Variants in OSBPL8 observed in about 807,000 individuals in gnomAD.
OSBPL8 encodes oxysterol binding protein like 8, also known as oxysterol-binding protein-related protein 8.
A neutral mutation model predicts 125.5 loss-of-function variants in OSBPL8; 59 were observed. The ratio of observed to expected loss-of-function variants is 0.47; its 90% confidence interval spans 0.38 to 0.58. The LOEUF is 0.58. Among genes scored for constraint, OSBPL8 ranks in the 20% least tolerant of loss-of-function variants. The pLI is 0.00. For synonymous variants in OSBPL8, 330 were observed against 338.9 expected, an observed-to-expected ratio of 0.97 and a Z score of 0.29; for missense variants, 758 against 1,047.8, an observed-to-expected ratio of 0.72 and a Z score of 3.82.
intron 3 of OSBPL8, among the ~76,000 whole-genome samples, chr12:76,453,490 A>G (rs1158324251): frequency 6.6e-6 from 1 of 152,170 alleles, no homozygotes; most frequent in Non-Finnish European, 1.5e-5. Flanking sequence ...AGAATAAATT[A>G]CTCAGTTAAC....
chr12:76,408,991 CT>C (rs140050109), intron 5 of OSBPL8, among the ~76,000 whole-genome samples: 6,006 of 151,732 alleles, frequency 0.04, 359 homozygotes, highest in African/African-American at 0.13. Context: ...GAAAATAGAT[CT>C]TTTTTTTAAA....
intron 12 of OSBPL8, 56 bp downstream of exon 12, chr12:76,389,589 G>A (rs552023848): frequency 7.6e-7 from 1 of 1,308,852 alleles, no homozygotes; most frequent in African/African-American, 1.5e-5. Flanking sequence ...TAGCATTCTT[G>A]AGAATTTCTA....
In OSBPL8 at chr12:76,487,197, T is replaced by C. The variant is rs1878240262; in HGVS notation, c.42+313A>G. The stretch of plus-strand genomic sequence containing the variant: ...GGCATGTGCCACCACACCTGGCTAA[T>C]TTTTGTATTTTTAATAGAGACAGGG... On this transcript the variant is annotated intron_variant, in intron 2 of 23. Coordinates refer to ENST00000261183, the MANE Select transcript of OSBPL8 (RefSeq NM_020841.5). Among the ~76,000 whole-genome samples, 3 of 151,722 alleles carry C rather than the reference T, an allele frequency of 2.0e-5. No homozygotes were observed. The South Asian group carries it at 6.2e-4, about 32-fold the overall frequency.
intron 1 of OSBPL8, among the ~76,000 whole-genome samples, chr12:76,542,475 A>T (rs1170568365): frequency 1.3e-5 from 2 of 152,220 alleles, no homozygotes; most frequent in East Asian, 3.9e-4. Flanking sequence ...ATGCATCACA[A>T]TCATCTGGAG....
Position 76,392,592 on chromosome 12 carries a change from A to ACAG in OSBPL8, c.917_918insCTG (p.Gly306_Asp307insCys). 6.2e-7 allele frequency: 1 copy of ACAG among 1,606,116 alleles called. No homozygotes were observed. Among genetic ancestry groups the ACAG allele is most frequent in the Non-Finnish European group, 8.5e-7 (1 of 1,174,122 alleles). On this transcript the variant is annotated inframe_insertion, in exon 10 of 24. Coordinates refer to ENST00000261183, the MANE Select transcript of OSBPL8 (RefSeq NM_020841.5). The stretch of plus-strand genomic sequence containing the variant: ...CAGTATCTACTTACTGGAAGTTATC[A>ACAG]CCACTGTGGAGATTGTTAGCACGTA...
intron 3 of OSBPL8, among the ~76,000 whole-genome samples, chr12:76,459,421 C>T (rs1409818698): frequency 6.6e-6 from 1 of 152,094 alleles, no homozygotes; most frequent in East Asian, 1.9e-4. Flanking sequence ...AAACATGTTT[C>T]ACTTATAAAA....
intron 1 of OSBPL8, among the ~76,000 whole-genome samples, chr12:76,496,673 T>G (rs1879308815): frequency 1.3e-5 from 2 of 152,132 alleles, no homozygotes; most frequent in Non-Finnish European, 2.9e-5. Context: ...CCCAAGTAGC[T>G]GGGATTACAG....
chr12:76,442,283 C>A (rs1282706734), intron 4 of OSBPL8, among the ~76,000 whole-genome samples: 1 of 152,090 alleles, frequency 6.6e-6, no homozygotes, highest in Admixed American at 6.5e-5. Flanking sequence ...AATATAGGGA[C>A]AGTTGAACAA....
rs551833496 is a variant in OSBPL8 at position 76,370,915 on chromosome 12, T to C, written c.2054+533A>G. Among the ~76,000 whole-genome samples the C allele has an allele frequency of 4.2e-4, 64 of 152,304 alleles. 2 individuals carry two copies. The South Asian group carries it at 0.013, about 32-fold the overall frequency. ...ACAACAATAAAATAGGGAATGTGTA[T>C]ACAATATTTCTGATTCAAAAATATA... On this transcript the variant is annotated intron_variant, in intron 19 of 23. Coordinates refer to ENST00000261183, the MANE Select transcript of OSBPL8 (RefSeq NM_020841.5).
intron 1 of OSBPL8, among the ~76,000 whole-genome samples, chr12:76,506,703 C>T (rs1274131724): frequency 6.6e-6 from 1 of 152,124 alleles, no homozygotes; most frequent in African/African-American, 2.4e-5. Context: ...AAATTCCACA[C>T]CTTTGATAAC....
intron 4 of OSBPL8, among the ~76,000 whole-genome samples, chr12:76,449,491 GT>G (rs1873119966): frequency 1.3e-5 from 2 of 152,162 alleles, no homozygotes; most frequent in Non-Finnish European, 2.9e-5. Flanking sequence ...GCAATCTTGG[GT>G]AAAACTGCTG....
At chr12:76,543,744 A>G (rs1263881216) in intron 1 of OSBPL8, among the ~76,000 whole-genome samples, 1 of 152,234 alleles carries the variant, frequency 6.6e-6, no homozygotes. Flanking sequence ...AACTATTAAT[A>G]CAACTAATAA....
At chr12:76,359,151 C>T (rs2136131004) in intron 21 of OSBPL8, among the ~76,000 whole-genome samples, 1 of 152,308 alleles carries the variant, frequency 6.6e-6, no homozygotes, top group Non-Finnish European at 1.5e-5. Context: ...CCCCCTACCT[C>T]TGACTGCACC....
At chr12:76,501,366 AAAG>A (rs144619275) in intron 1 of OSBPL8, among the ~76,000 whole-genome samples, 24,309 of 152,144 alleles carry the variant, frequency 0.16, 2,244 homozygotes, top group Middle Eastern at 0.24. Flanking sequence ...AAAGGGCTAT[AAAG>A]AAGAAGGAAA....
chr12:76,399,190 T>G (rs1052502891), intron 7 of OSBPL8, among the ~76,000 whole-genome samples: 1 of 152,170 alleles, frequency 6.6e-6, no homozygotes, highest in Non-Finnish European at 1.5e-5. Context: ...ATAAGGATTA[T>G]GAGGTCAGAG....
At chr12:76,473,813 T>C (rs1456301984) in intron 2 of OSBPL8, among the ~76,000 whole-genome samples, 1 of 152,192 alleles carries the variant, frequency 6.6e-6, no homozygotes, top group Non-Finnish European at 1.5e-5. Context: ...TGATTAAAGG[T>C]TCACCCCTGG....
At chr12:76,475,493 T>A (rs1026147649) in intron 2 of OSBPL8, among the ~76,000 whole-genome samples, 4 of 152,248 alleles carry the variant, frequency 2.6e-5, no homozygotes, top group African/African-American at 9.6e-5. Flanking sequence ...ATAGTTCTAT[T>A]TTTTAATTTT....
At position 76,457,280 on chromosome 12, in the gene OSBPL8, TTA is replaced by T. The variant is rs574354596; in HGVS notation, c.79+2577_79+2578del. 6.8e-3 allele frequency among the ~76,000 whole-genome samples: 1,039 copies of T among 152,326 alleles called. 8 individuals carry two copies. Among genetic ancestry groups the T allele is most frequent in the Middle Eastern group, 0.02 (6 of 294 alleles). Reference sequence around the variant, plus strand: ...GTAGTTACGATTTAATATTGTATCTTTATGTTTGTTTACATTTTTCTCAACTG... The same window carrying T: ...GTAGTTACGATTTAATATTGTATCTTTGTTTGTTTACATTTTTCTCAACTG... On this transcript the variant is annotated intron_variant, in intron 3 of 23. Coordinates refer to ENST00000261183, the MANE Select transcript of OSBPL8 (RefSeq NM_020841.5).
chr12:76,463,416 A>G (rs532847923), intron 2 of OSBPL8, among the ~76,000 whole-genome samples: 4 of 152,306 alleles, frequency 2.6e-5, no homozygotes, highest in African/African-American at 7.2e-5. Context: ...GGGTCAAATT[A>G]AGTTTGAAAT....
Sources: allele counts gnomAD v4.1 joint callset (sites outside exome capture counted in the v4.1 genomes callset), GRCh38; gene constraint gnomAD v4.1.1; transcripts MANE v1.5; gene names NCBI Gene and HGNC (gene_info 2026-07-23, HGNC 2026-07-21).